The following IGF1R variants were observed in gnomAD, a reference collection of about 807,000 sequenced individuals.
The protein encoded by IGF1R is insulin-like growth factor 1 receptor.
A neutral mutation model predicts 144.6 loss-of-function variants in IGF1R; 44 were observed. The observed-to-expected ratio is 0.30, with a 90% CI of 0.24 to 0.39. IGF1R has a LOEUF of 0.39. IGF1R is among the 10% of genes least tolerant of loss of function. The pLI is 1.00. For synonymous variants in IGF1R, 795 were observed against 722.8 expected, an observed-to-expected ratio of 1.10 and a Z score of -1.60; for missense variants, 1,355 against 1,833.7, an observed-to-expected ratio of 0.74 and a Z score of 4.77.
chr15:98,920,788 G>A (rs1010710067), intron 10 of IGF1R, among the ~76,000 whole-genome samples: 2 of 152,152 alleles, frequency 1.3e-5, no homozygotes, highest in Admixed American at 1.3e-4. Flanking sequence ...TAGGACCCCC[G>A]TGTGCCACTA....
At chr15:98,910,188 G>A (rs950869654) in intron 6 of IGF1R, among the ~76,000 whole-genome samples, 4 of 152,104 alleles carry the variant, frequency 2.6e-5, no homozygotes, top group African/African-American at 9.7e-5. Context: ...GACGACCAGC[G>A]CCGCCTCCCG....
chr15:98,946,024 C>T (rs541110696), intron 19 of IGF1R, among the ~76,000 whole-genome samples: 79 of 151,774 alleles, frequency 5.2e-4, no homozygotes, highest in Middle Eastern at 6.8e-3. Context: ...ACGATGATGA[C>T]GATGACGACG....
At chr15:98,890,141 G>A (rs572753098) in intron 2 of IGF1R, among the ~76,000 whole-genome samples, 5 of 152,172 alleles carry the variant, frequency 3.3e-5, no homozygotes, top group Non-Finnish European at 7.3e-5. Flanking sequence ...CTGTGGGCTC[G>A]GAGATGCTAC....
rs552573684 is a variant in IGF1R, at chr15:98,958,680, T to C, written c.*1238T>C. 1.7e-4 allele frequency: 38 copies of C among 229,970 alleles called. No individual in the cohort carries two copies. The Admixed American group carries it at 2.1e-3, about 13-fold the overall frequency. 14.2% of individuals were successfully genotyped at this position (229,970 alleles called of 1,614,324 possible). ...TTATAACTTTTTTACGGTTCAGATA[T>C]TCATCTATACGTCTGTACAGAAAAA... On this transcript the variant is annotated 3_prime_UTR_variant, in exon 21 of 21. Coordinates refer to ENST00000650285, the MANE Select transcript of IGF1R (RefSeq NM_000875.5).
At chr15:98,751,856 G>C (rs1409544432) in intron 2 of IGF1R, among the ~76,000 whole-genome samples, 3 of 152,110 alleles carry the variant, frequency 2.0e-5, no homozygotes, top group Non-Finnish European at 4.4e-5. Flanking sequence ...TAACATAATT[G>C]TTTGGATATA....
intron 2 of IGF1R, among the ~76,000 whole-genome samples, chr15:98,768,738 T>G (rs2055502312): frequency 2.1e-5 from 2 of 94,944 alleles, no homozygotes; most frequent in Non-Finnish European, 2.0e-5. Context: ...GCTAACACGG[T>G]GAAACCCCGT....
intron 1 of IGF1R, among the ~76,000 whole-genome samples, chr15:98,662,773 T>G (rs1282365297): frequency 1.3e-5 from 2 of 152,136 alleles, no homozygotes; most frequent in African/African-American, 4.8e-5. Context: ...CCTAAATATT[T>G]GACTCTCAAG....
chr15:98,800,060 G>A (rs970464248), intron 2 of IGF1R, among the ~76,000 whole-genome samples: 1 of 152,154 alleles, frequency 6.6e-6, no homozygotes, highest in Non-Finnish European at 1.5e-5. Context: ...TTTGAAGAAG[G>A]CTGCTGAGTC....
At chr15:98,946,460 T>C (rs2016558300) in intron 19 of IGF1R, among the ~76,000 whole-genome samples, 1 of 152,106 alleles carries the variant, frequency 6.6e-6, no homozygotes, top group South Asian at 2.1e-4. Context: ...AGCAAGATGT[T>C]GTAACCAAAG....
intron 2 of IGF1R, among the ~76,000 whole-genome samples, chr15:98,877,489 CTTTTTTTTTT>C (rs5814908): frequency 1.2e-5 from 1 of 85,588 alleles, no homozygotes; most frequent in Non-Finnish European, 2.1e-5. Context: ...CACTAGCAGC[CTTTTTTTTTT>C]TTTTTTTTTT....
rs61746554 is a variant in IGF1R at position 98,667,763 on chromosome 15, G to A, written c.94+18088G>A. On this transcript the variant is annotated intron_variant, in intron 1 of 20. Transcript: ENST00000650285. ...GACCAATGGGAGGAAGCCTGCTGCG[G>A]GCAACTGGTCTGTGCCTGGAAGTTG... is the stretch of plus-strand genomic sequence containing the variant. Among the ~76,000 whole-genome samples, 1,424 of 152,246 alleles carry A rather than the reference G, an allele frequency of 9.4e-3. 12 individuals are homozygous for A. Among genetic ancestry groups the A allele is most frequent in the Non-Finnish European group, 0.012 (792 of 68,026 alleles).
chr15:98,748,042 A>C (rs892695995), intron 2 of IGF1R, among the ~76,000 whole-genome samples: 5 of 152,252 alleles, frequency 3.3e-5, no homozygotes, highest in Non-Finnish European at 5.9e-5. Flanking sequence ...AATAATTCCA[A>C]AACTAAAAAT....
At position 98,649,520 on chromosome 15, in the gene IGF1R, CTTTT is replaced by C. The variant is rs2052289015; in HGVS notation, c.-61_-58del. ...TCCTTTCATTTCCTTTTTTTCTTTT[CTTTT>C]CTTTTTTTTTTTTTTTTTTTTTTTT... On this transcript the variant is annotated 5_prime_UTR_variant, in exon 1 of 21. Transcript: ENST00000650285. The C allele has an allele frequency of 3.5e-6, 3 of 858,150 alleles. No individual in the cohort carries two copies. The highest frequency in any genetic ancestry group is 2.7e-5 in the Admixed American group (1 of 37,172). 53.2% of individuals were successfully genotyped at this position (858,150 alleles called of 1,614,324 possible).
rs60091102 is a variant in IGF1R, at chr15:98,831,317, A to G, written c.641-60008A>G. On this transcript the variant is annotated intron_variant, in intron 2 of 20. Transcript: ENST00000650285. ...CCATTTTCACTTTCTCTCCACCAGA[A>G]TCCATCTCACCACCCACCTGCCAGT... is the stretch of plus-strand genomic sequence containing the variant. Among the ~76,000 whole-genome samples the G allele has an allele frequency of 2.5e-3, 376 of 152,324 alleles. 8 individuals are homozygous for G. In the East Asian group the frequency reaches 0.055, roughly 22 times the overall value.
At position 98,656,652 on chromosome 15, in the gene IGF1R, C is replaced by G. The variant is rs147659033; in HGVS notation, c.94+6977C>G. The stretch of plus-strand genomic sequence containing the variant: ...TATTTTAAAGACTTTAGAAAGTAGT[C>G]TTGCTAATCCAGAAAGTTCTTGCGG... On this transcript the variant is annotated intron_variant, in intron 1 of 20. Coordinates refer to ENST00000650285, the MANE Select transcript of IGF1R (RefSeq NM_000875.5). Among the ~76,000 whole-genome samples, 5 of 152,106 alleles carry G rather than the reference C, an allele frequency of 3.3e-5. No individual in the cohort carries two copies. In the East Asian group the frequency reaches 9.7e-4, roughly 29 times the overall value.
In IGF1R at chr15:98,732,927, G is replaced by A. The variant is rs74032556; in HGVS notation, c.640+24820G>A. Among the ~76,000 whole-genome samples, 1,264 of 152,264 alleles carry A rather than the reference G, an allele frequency of 8.3e-3. 26 individuals carry two copies. Among genetic ancestry groups the A allele is most frequent in the African/African-American group, 0.029 (1,203 of 41,536 alleles). ...TGGGAAGGGGGCCACCCCTTTGGGA[G>A]GGGTCAGTGGGACGACTCCCAAGGG... On this transcript the variant is annotated intron_variant, in intron 2 of 20. Transcript: ENST00000650285.
chr15:98,830,564 C>T (rs936646671), intron 2 of IGF1R, among the ~76,000 whole-genome samples: 1 of 148,576 alleles, frequency 6.7e-6, no homozygotes, highest in East Asian at 2.0e-4. Flanking sequence ...GCTCATGGTT[C>T]TTCAGGCTGT....
At chr15:98,918,218 C>T (rs1283384082) in intron 10 of IGF1R, among the ~76,000 whole-genome samples, 1 of 152,136 alleles carries the variant, frequency 6.6e-6, no homozygotes, top group Non-Finnish European at 1.5e-5. Flanking sequence ...TTTAAATCAG[C>T]ATGGCACCCA....
At chr15:98,950,611 T>C (rs1174803464) in intron 20 of IGF1R, among the ~76,000 whole-genome samples, 4 of 152,216 alleles carry the variant, frequency 2.6e-5, no homozygotes, top group Admixed American at 6.5e-5. Context: ...GCAGCCTATT[T>C]CTTCAAGACT....
Sources: allele counts gnomAD v4.1 joint callset (sites outside exome capture counted in the v4.1 genomes callset), GRCh38; gene constraint gnomAD v4.1.1; transcripts MANE v1.5; gene names NCBI Gene and HGNC (gene_info 2026-07-23, HGNC 2026-07-21).